Variants in CD101 observed in about 807,000 individuals in gnomAD.
CD101 encodes CD101 molecule.
Under a neutral mutation model 98.2 loss-of-function variants are expected in CD101, and 76 were observed. The observed-to-expected ratio is 0.77, with a 90% CI of 0.64 to 0.94. The LOEUF (loss-of-function observed/expected upper bound fraction) is 0.94. CD101 is among the 40% of genes least tolerant of loss of function. The pLI, the probability that CD101 is intolerant of heterozygous loss-of-function variation, is 0.00. For missense variants in CD101, 1,145 were observed against 1,218.8 expected (o/e 0.94, Z 0.90); for synonymous variants, 471 against 472.7 (o/e 1.00, Z 0.05).
intron 6 of CD101, among the ~76,000 whole-genome samples, chr1:117,020,588 C>A (rs1024317417): frequency 3.3e-5 from 5 of 152,208 alleles, no homozygotes; most frequent in African/African-American, 1.2e-4. Context: ...AGAAAGGTTT[C>A]TCAAGAGTTA....
intron 8 of CD101, chr1:117,026,244 G>A (rs1653919009): frequency 9.2e-6 from 2 of 218,506 alleles, no homozygotes; most frequent in Non-Finnish European, 1.8e-5. Flanking sequence ...TGTGGTCTTG[G>A]TGCCAGACAC....
rs778654933 is a variant in CD101 at position 117,013,777 on chromosome 1, C to A, written c.1213C>A (p.Leu405Met). The A allele has an allele frequency of 6.2e-7, 1 of 1,611,294 alleles. No homozygotes were observed. The highest frequency in any genetic ancestry group is 1.1e-5 in the South Asian group (1 of 90,816). Residue 405 changes from leucine (L) to methionine (M), a missense_variant, in exon 4 of 10, where the codon CTG (leucine) becomes ATG (methionine). Coordinates refer to ENST00000682167, the MANE Select transcript of CD101 (RefSeq NM_001256106.3). ...GCAGTCACCAGACAGCCACGTGCAC[C>A]TGAGGAAGCCAGCAGGTACGTAAAG... ...RKQSPDSHVHLRKPAARSVVM... is the reference protein window; with the variant it reads ...RKQSPDSHVHMRKPAARSVVM...
At chr1:117,032,363 A>G (rs1224068977) in intron 8 of CD101, 1 of 152,250 alleles carries the variant, frequency 6.6e-6, no homozygotes, top group Non-Finnish European at 1.5e-5. Flanking sequence ...GAGGAAGATA[A>G]AAAGACACAC....
chr1:117,027,903 G>T (rs1338278601), intron 8 of CD101, among the ~76,000 whole-genome samples: 1 of 152,038 alleles, frequency 6.6e-6, no homozygotes, highest in Non-Finnish European at 1.5e-5. Flanking sequence ...GACCAACATG[G>T]AGAAACCCTG....
chr1:117,027,850 A>G (rs1351362890), intron 8 of CD101, among the ~76,000 whole-genome samples: 1 of 152,088 alleles, frequency 6.6e-6, no homozygotes, highest in African/African-American at 2.4e-5. Context: ...TTAGGAGGCC[A>G]AGGCGGGCGG....
In CD101 at chr1:117,013,639, G is replaced by A. The variant is rs757375727; in HGVS notation, c.1075G>A (p.Ala359Thr). 1.4e-5 allele frequency: 23 copies of A among 1,614,002 alleles called. No individual in the cohort carries two copies. In the Middle Eastern group the frequency reaches 6.6e-4, roughly 46 times the overall value. ...CCAGGTTTCAAAGTTAGGCCCCAAGGCTTTCTCTCTCAAGATCTTCTCTCT... is the reference window on the plus strand; with the variant it reads ...CCAGGTTTCAAAGTTAGGCCCCAAGACTTTCTCTCTCAAGATCTTCTCTCT... ...ELQVSKLGPK[A>T]FSLKIFSLGP... Residue 359 changes from alanine (A) to threonine (T), a missense_variant, in exon 4 of 10, where the codon GCT (alanine) becomes ACT (threonine). Coordinates refer to ENST00000682167, the MANE Select transcript of CD101 (RefSeq NM_001256106.3).
intron 8 of CD101, among the ~76,000 whole-genome samples, chr1:117,029,625 T>G (rs1344123464): frequency 6.6e-6 from 1 of 152,252 alleles, no homozygotes; most frequent in African/African-American, 2.4e-5. Context: ...GCCTGGCACA[T>G]AGGGGATGCT....
intron 4 of CD101, 90 bp downstream of exon 4, chr1:117,013,882 T>G: frequency 7.4e-7 from 1 of 1,348,854 alleles, no homozygotes; most frequent in Non-Finnish European, 1.0e-6. Flanking sequence ...AATGGGGATC[T>G]TCATGAAGAG....
chr1:117,002,393 A>T (rs149466205), intron 1 of CD101, among the ~76,000 whole-genome samples: 297 of 152,352 alleles, frequency 1.9e-3, no homozygotes, highest in Middle Eastern at 6.8e-3. Flanking sequence ...GAACAGGAAG[A>T]TTCACTTGGC....
At chr1:117,028,575 G>A (rs144143267) in intron 8 of CD101, among the ~76,000 whole-genome samples, 153 of 152,282 alleles carry the variant, frequency 1.0e-3, no homozygotes, top group African/African-American at 3.5e-3. Context: ...GATGCCCAAG[G>A]GTGGAGCTCT....
rs1329975534 is a variant in CD101 at position 117,013,877 on chromosome 1, G to A, written c.1228+85G>A. The A allele has an allele frequency of 2.9e-6, 4 of 1,369,954 alleles. No individual in the cohort carries two copies. The African/African-American group carries it at 4.4e-5, about 15-fold the overall frequency. 84.9% of individuals were successfully genotyped at this position (1,369,954 alleles called of 1,614,324 possible). A position where few individuals can be genotyped will look rare whatever the true frequency, so the allele number is the denominator to read the frequency against. ...GAAGACCCCTTCGTGGATACAATGGGGATCTTCATGAAGAGCAGGTTTCAA... is the reference window on the plus strand; with the variant it reads ...GAAGACCCCTTCGTGGATACAATGGAGATCTTCATGAAGAGCAGGTTTCAA... On this transcript the variant is annotated intron_variant, in intron 4 of 9. Transcript: ENST00000682167.
At chr1:117,024,361 C>T (rs1047210158) in intron 7 of CD101, among the ~76,000 whole-genome samples, 2 of 152,178 alleles carry the variant, frequency 1.3e-5, no homozygotes, top group Non-Finnish European at 1.5e-5. Context: ...CCTGTAATCC[C>T]AACTGCTCGG....
At chr1:117,030,293 G>A (rs926159556) in intron 8 of CD101, among the ~76,000 whole-genome samples, 3 of 151,990 alleles carry the variant, frequency 2.0e-5, no homozygotes, top group Admixed American at 2.0e-4. Context: ...GAGATGGGAG[G>A]ATTGCTTGAG....
chr1:117,022,413 T>C lies in CD101; in HGVS notation c.2428+430T>C, dbSNP rs1430280374. On this transcript the variant is annotated intron_variant, in intron 7 of 9. Coordinates refer to ENST00000682167, the MANE Select transcript of CD101 (RefSeq NM_001256106.3). This position sits in a 1 kb window ranked among gnomAD's most constrained non-coding sequence, Gnocchi z 4.8. ...CTATGGGGATGTGTGGAGAAATTGC[T>C]TCTCAACATTTAGCTGCCTAAACAT... Among the ~76,000 whole-genome samples, 1 of 152,226 alleles carries C rather than the reference T, an allele frequency of 6.6e-6. No individual in the cohort carries two copies. The highest frequency in any genetic ancestry group is 2.4e-5 in the African/African-American group (1 of 41,456).
At chr1:117,014,186 TG>T in intron 4 of CD101, among the ~76,000 whole-genome samples, 1 of 4,840 alleles carries the variant, frequency 2.1e-4, no homozygotes, top group African/African-American at 8.1e-4. Flanking sequence ...CCTCTGCCTT[TG>T]TGTGTGTGTG....
chr1:117,029,288 A>G lies in CD101; in HGVS notation c.2824+3384A>G, dbSNP rs532345312. Among the ~76,000 whole-genome samples, 7 of 151,950 alleles carry G rather than the reference A, an allele frequency of 4.6e-5. No individual in the cohort carries two copies. In the East Asian group the frequency reaches 1.4e-3, roughly 29 times the overall value. ...AAGAAAGAAAGAGTAGATACGGTTG[A>G]CAGTCCAACATCTGAAAGAAAGAAA... On this transcript the variant is annotated intron_variant, in intron 8 of 9. Coordinates refer to ENST00000682167, the MANE Select transcript of CD101 (RefSeq NM_001256106.3).
intron 4 of CD101, among the ~76,000 whole-genome samples, chr1:117,016,813 A>T (rs886259683): frequency 3.3e-5 from 5 of 152,240 alleles, no homozygotes; most frequent in African/African-American, 1.2e-4. Flanking sequence ...TTAAGATCAC[A>T]GTGCTGTGTT....
At position 117,022,104 on chromosome 1, in the gene CD101, T is replaced by G; in HGVS notation, c.2428+121T>G. 9.0e-7 allele frequency: 1 copy of G among 1,111,086 alleles called. No individual in the cohort carries two copies. The highest frequency in any genetic ancestry group is 1.6e-5 in the African/African-American group (1 of 64,056). The allele number at this position is 1,111,086 out of a possible 1,614,324, so 68.8% of individuals were successfully genotyped here. ...ATATGACCTAAAGTCATAGGAACAG[T>G]ATCTACCTACACATGACTGCAAGAC... On this transcript the variant is annotated intron_variant, in intron 7 of 9. Coordinates refer to ENST00000682167, the MANE Select transcript of CD101 (RefSeq NM_001256106.3). This position sits in a 1 kb window ranked among gnomAD's most constrained non-coding sequence, Gnocchi z 4.8.
Position 117,004,792 on chromosome 1 carries a change from A to G in CD101, c.43+2932A>G, listed in dbSNP as rs1188722753. On this transcript the variant is annotated intron_variant, in intron 1 of 9. Transcript: ENST00000682167. The surrounding 1 kb of genome is among the most constrained non-coding windows in gnomAD (Gnocchi z 4.1). ...AAAATACCTTTGAAATCTCCACACT[A>G]TTTCTTTCACTTTTCTCAGAAAGTA... Among the ~76,000 whole-genome samples the G allele has an allele frequency of 7.7e-6, 1 of 130,698 alleles. No individual in the cohort carries two copies. The highest frequency in any genetic ancestry group is 3.0e-5 in the African/African-American group (1 of 33,774). The allele number at this position is 130,698 out of a possible 152,430, so 85.7% of individuals were successfully genotyped here. A position where few individuals can be genotyped will look rare whatever the true frequency, so the allele number is the denominator to read the frequency against.
Sources: allele counts gnomAD v4.1 joint callset (sites outside exome capture counted in the v4.1 genomes callset), GRCh38; gene constraint gnomAD v4.1.1; non-coding constraint Gnocchi (gnomAD v3.1); transcripts MANE v1.5; gene names NCBI Gene and HGNC (gene_info 2026-07-23, HGNC 2026-07-21).